The following APBA1 variants were observed in gnomAD, a reference collection of about 807,000 sequenced individuals.
The protein encoded by APBA1 is amyloid beta precursor protein binding family A member 1, also known as amyloid-beta A4 precursor protein-binding family A member 1.
In APBA1, 55 loss-of-function variants were observed where a neutral mutation model predicts 86.6. The observed-to-expected ratio is 0.64, with a 90% CI of 0.51 to 0.80. The LOEUF (loss-of-function observed/expected upper bound fraction) is 0.80, where lower values mean the gene tolerates loss of function less well. Ranked by LOEUF, APBA1 falls within the 30% of genes least tolerant of loss-of-function variation. The pLI, the probability that APBA1 is intolerant of heterozygous loss-of-function variation, is 0.00. For missense variants in APBA1, 1,090 were observed against 1,183.0 expected (o/e 0.92, Z 1.15); for synonymous variants, 511 against 493.9 (o/e 1.03, Z -0.46).
chr9:69,666,916 G>C (rs952941507), intron 1 of APBA1, among the ~76,000 whole-genome samples: 3 of 152,128 alleles, frequency 2.0e-5, no homozygotes, highest in Non-Finnish European at 4.4e-5. Context: ...CTTAAAAAAA[G>C]TTTATTCATG....
At chr9:69,447,245 C>T (rs976686319) in intron 10 of APBA1, among the ~76,000 whole-genome samples, 1 of 152,100 alleles carries the variant, frequency 6.6e-6, no homozygotes, top group African/African-American at 2.4e-5. Flanking sequence ...GGAGGGAACA[C>T]AAATATTACT....
chr9:69,643,051 C>T (rs971610255), intron 1 of APBA1, among the ~76,000 whole-genome samples: 15 of 151,878 alleles, frequency 9.9e-5, no homozygotes, highest in African/African-American at 3.4e-4. Flanking sequence ...CACCCCTCCT[C>T]CCCCCTCCAC....
chr9:69,493,724 G>A (rs1051699080), intron 2 of APBA1, among the ~76,000 whole-genome samples: 5 of 152,092 alleles, frequency 3.3e-5, no homozygotes, highest in Non-Finnish European at 5.9e-5. Flanking sequence ...ATGGAAGCAT[G>A]CATAGACACC....
At chr9:69,632,601 A>G (rs1212640670) in intron 1 of APBA1, among the ~76,000 whole-genome samples, 1 of 152,182 alleles carries the variant, frequency 6.6e-6, no homozygotes, top group Non-Finnish European at 1.5e-5. Flanking sequence ...GGTACAATGT[A>G]AGCTCTCAAC....
chr9:69,548,611 A>G (rs1014893492), intron 1 of APBA1, among the ~76,000 whole-genome samples: 3 of 152,236 alleles, frequency 2.0e-5, no homozygotes, highest in African/African-American at 7.2e-5. Context: ...AAAGGGTAAA[A>G]GGCAATAGGG....
intron 1 of APBA1, among the ~76,000 whole-genome samples, chr9:69,663,703 C>T (rs1273271357): frequency 6.6e-6 from 1 of 152,074 alleles, no homozygotes; most frequent in African/African-American, 2.4e-5. Flanking sequence ...ATTTTTCATA[C>T]AAATTGTATG....
intron 2 of APBA1, among the ~76,000 whole-genome samples, chr9:69,488,430 T>C (rs890453496): frequency 2.6e-5 from 4 of 152,148 alleles, no homozygotes. Flanking sequence ...TAGATGTTGA[T>C]AGTCAAAGAG....
intron 1 of APBA1, among the ~76,000 whole-genome samples, chr9:69,653,844 A>G (rs1823554889): frequency 6.6e-6 from 1 of 152,212 alleles, no homozygotes; most frequent in Non-Finnish European, 1.5e-5. Flanking sequence ...GTGGTGGCTC[A>G]CACCTGTAAT....
chr9:69,668,621 C>T (rs1421996268), intron 1 of APBA1, among the ~76,000 whole-genome samples: 1 of 152,202 alleles, frequency 6.6e-6, no homozygotes, highest in Non-Finnish European at 1.5e-5. Context: ...TTCCCCAGTC[C>T]TTACTGAACA....
intron 3 of APBA1, among the ~76,000 whole-genome samples, chr9:69,475,269 G>C (rs1284653042): frequency 1.3e-5 from 2 of 152,232 alleles, no homozygotes; most frequent in African/African-American, 2.4e-5. Flanking sequence ...GGATACTTTA[G>C]AGCTGCACTG....
intron 1 of APBA1, among the ~76,000 whole-genome samples, chr9:69,641,943 T>G (rs1823293854): frequency 6.6e-6 from 1 of 152,184 alleles, no homozygotes; most frequent in Admixed American, 6.5e-5. Flanking sequence ...CCTCCCGGAT[T>G]CAACCGATTC....
chr9:69,440,882 G>A, intron 11 of APBA1, 114 bp downstream of exon 11: 2 of 1,301,466 alleles, frequency 1.5e-6, no homozygotes, highest in Non-Finnish European at 2.1e-6. Context: ...ACTCACGCTG[G>A]GAGTTGTAGA....
chr9:69,629,620 C>A (rs1369180600), intron 1 of APBA1, among the ~76,000 whole-genome samples: 1 of 152,166 alleles, frequency 6.6e-6, no homozygotes, highest in African/African-American at 2.4e-5. Context: ...AGCTGTGCTT[C>A]AGGCAAGCCA....
chr9:69,658,336 T>TTCTTTCTTTCTG (rs1823678757), intron 1 of APBA1, among the ~76,000 whole-genome samples: 1 of 141,854 alleles, frequency 7.0e-6, no homozygotes, highest in Non-Finnish European at 1.6e-5. Flanking sequence ...CTTTCTTTCT[T>TTCTTTCTTTCTG]TCTTTCTTTC....
At position 69,657,242 on chromosome 9, in the gene APBA1, CAA is replaced by C. The variant is rs760915677; in HGVS notation, c.-70+14909_-70+14910del. On this transcript the variant is annotated intron_variant, in intron 1 of 12. Transcript: ENST00000265381. ...GTAGAAAGAAGCTGTAAGAGAAGAA[CAA>C]GAGATGATGGCTATTTGCATCCCAT... Among the ~76,000 whole-genome samples the C allele has an allele frequency of 2.0e-5, 3 of 152,298 alleles. No individual in the cohort carries two copies. In the East Asian group the frequency reaches 5.8e-4, roughly 29 times the overall value.
intron 1 of APBA1, among the ~76,000 whole-genome samples, chr9:69,643,689 G>A (rs1055724884): frequency 3.3e-5 from 5 of 152,120 alleles, no homozygotes; most frequent in East Asian, 1.9e-4. Flanking sequence ...AGAATCCGAC[G>A]GATTCGTCTT....
At chr9:69,535,354 G>A (rs916975624) in intron 1 of APBA1, among the ~76,000 whole-genome samples, 10 of 152,124 alleles carry the variant, frequency 6.6e-5, no homozygotes, top group East Asian at 5.8e-4. Flanking sequence ...AGCATTCAGT[G>A]GTGCTAATGA....
chr9:69,647,258 T>A lies in APBA1; in HGVS notation c.-70+24895A>T, dbSNP rs190775171. On this transcript the variant is annotated intron_variant, in intron 1 of 12. Coordinates refer to ENST00000265381, the MANE Select transcript of APBA1 (RefSeq NM_001163.4). ...GTTCAAGCCTGGAAAGCTTATTCAT[T>A]GATGTTAACCTTTTCCTTCACAAAA... Among the ~76,000 whole-genome samples the A allele has an allele frequency of 2.6e-5, 4 of 152,354 alleles. No individual in the cohort carries two copies. The East Asian group carries it at 5.8e-4, about 22-fold the overall frequency.
intron 10 of APBA1, among the ~76,000 whole-genome samples, chr9:69,443,930 TC>T (rs1834865925): frequency 6.6e-6 from 1 of 152,174 alleles, no homozygotes; most frequent in Non-Finnish European, 1.5e-5. Flanking sequence ...ATTGGGGCCA[TC>T]TTTTTAGTTC....
Sources: allele counts gnomAD v4.1 joint callset (sites outside exome capture counted in the v4.1 genomes callset), GRCh38; gene constraint gnomAD v4.1.1; transcripts MANE v1.5; gene names NCBI Gene and HGNC (gene_info 2026-07-23, HGNC 2026-07-21).